Variants in PLAAT5 observed in about 807,000 individuals in gnomAD.
PLAAT5 encodes Ca(2+)-independent N-acyltransferase.
In PLAAT5, 27 loss-of-function variants were observed where a neutral mutation model predicts 27.8. The ratio of observed to expected loss-of-function variants is 0.97; its 90% CI spans 0.72 to 1.34. The LOEUF (loss-of-function observed/expected upper bound fraction) is 1.34, where lower values mean the gene tolerates loss of function less well. PLAAT5 is among the 40% of genes most tolerant of loss of function. PLAAT5 has a pLI of 0.00. For missense variants in PLAAT5, 368 were observed against 343.8 expected (o/e 1.07, Z -0.56); for synonymous variants, 125 against 136.1 (o/e 0.92, Z 0.57).
At chr11:63,469,042 C>T (rs2015942213) in intron 3 of PLAAT5, among the ~76,000 whole-genome samples, 1 of 151,506 alleles carries the variant, frequency 6.6e-6, no homozygotes, top group African/African-American at 2.4e-5. Flanking sequence ...ACACCCACAC[C>T]ACCAGTTGCT....
rs1219483123 is a variant in PLAAT5 at position 63,483,775 on chromosome 11, C to CA, written c.345+5095dup. 2.1e-3 allele frequency among the ~76,000 whole-genome samples: 57 copies of CA among 27,752 alleles called. 1 individual carries two copies. The highest frequency in any genetic ancestry group is 5.9e-3 in the East Asian group (6 of 1,012). 18.2% of individuals were successfully genotyped at this position (27,752 alleles called of 152,430 possible). On this transcript the variant is annotated intron_variant, in intron 3 of 5. Transcript: ENST00000540857. ...AGAGCAGAAGTAAATGAAATTGAAG[C>CA]AAAAAAAAAATATATATATATATAT...
At position 63,480,110 on chromosome 11, in the gene PLAAT5, C is replaced by T. The variant is rs370774961; in HGVS notation, c.345+8761G>A. ...CGGTCACGTCTGTTCTTTGTAGGAACATGCGGTCCGTTCTTCACCATCCCT... is the reference window on the plus strand; with the variant it reads ...CGGTCACGTCTGTTCTTTGTAGGAATATGCGGTCCGTTCTTCACCATCCCT... On this transcript the variant is annotated intron_variant, in intron 3 of 5. Coordinates refer to ENST00000540857, the MANE Select transcript of PLAAT5 (RefSeq NM_001146729.2). Among the ~76,000 whole-genome samples the T allele has an allele frequency of 1.4e-4, 21 of 152,348 alleles. No homozygotes were observed. The South Asian group carries it at 1.7e-3, about 12-fold the overall frequency.
rs1293611325 is a variant in PLAAT5 at position 63,462,678 on chromosome 11, T to C, written c.*825A>G. On this transcript the variant is annotated 3_prime_UTR_variant, in exon 6 of 6. Transcript: ENST00000540857. ...TATCACTACAATCCCCAGCCATAAT[T>C]TCAGATCTTCCATCCTGTCAACTTT... 1 of 152,190 alleles carries C rather than the reference T, an allele frequency of 6.6e-6. No homozygotes were observed. The highest frequency in any genetic ancestry group is 2.4e-5 in the African/African-American group (1 of 41,448). The allele number at this position is 152,190 out of a possible 1,614,324, so 9.4% of individuals were successfully genotyped here. A position where few individuals can be genotyped will look rare whatever the true frequency, so the allele number is the denominator to read the frequency against.
chr11:63,489,884 A>G (rs962865945), intron 2 of PLAAT5, among the ~76,000 whole-genome samples: 1 of 152,210 alleles, frequency 6.6e-6, no homozygotes, highest in Admixed American at 6.5e-5. Context: ...TAAAGCAGCA[A>G]TCATCATGTT....
chr11:63,489,021 A>T (rs1157337256), intron 2 of PLAAT5, 45 bp from the exon 3 acceptor site: 8 of 1,315,098 alleles, frequency 6.1e-6, no homozygotes, highest in Non-Finnish European at 7.6e-6. Flanking sequence ...TCACTATTTC[A>T]TAATTATTGG....
chr11:63,485,444 T>A (rs1249236640), intron 3 of PLAAT5, among the ~76,000 whole-genome samples: 1 of 152,100 alleles, frequency 6.6e-6, no homozygotes, highest in Non-Finnish European at 1.5e-5. Flanking sequence ...TGTAGACCAA[T>A]GTAACAGAAT....
rs556062167 is a variant in PLAAT5, at chr11:63,463,415, C to T, written c.*88G>A. ...TCCAGAAGTTCACAATTTTCTTAAT[C>T]GGAGCCATTGAGAGAAGGCAAGGGA... On this transcript the variant is annotated 3_prime_UTR_variant, in exon 6 of 6. Transcript: ENST00000540857. 13 of 957,662 alleles carry T rather than the reference C, an allele frequency of 1.4e-5. No individual in the cohort carries two copies. The highest frequency in any genetic ancestry group is 7.2e-5 in the East Asian group (3 of 41,696). 59.3% of individuals were successfully genotyped at this position (957,662 alleles called of 1,614,324 possible).
In PLAAT5 at chr11:63,474,294, C is replaced by G. The variant is rs561041544; in HGVS notation, c.346-5829G>C. Among the ~76,000 whole-genome samples the G allele has an allele frequency of 1.2e-4, 18 of 152,180 alleles. 1 individual carries two copies. In the South Asian group the frequency reaches 3.7e-3, roughly 32 times the overall value. On this transcript the variant is annotated intron_variant, in intron 3 of 5. Transcript: ENST00000540857. ...AGATTGGTAATTTTTCTTATTTAAACGCATGGTAGAATTCTTGAGCAAAGC... is the reference window on the plus strand; with the variant it reads ...AGATTGGTAATTTTTCTTATTTAAAGGCATGGTAGAATTCTTGAGCAAAGC...
intron 3 of PLAAT5, among the ~76,000 whole-genome samples, chr11:63,483,849 A>G (rs2016369999): frequency 7.7e-6 from 1 of 130,000 alleles, no homozygotes; most frequent in Non-Finnish European, 1.7e-5. Context: ...ATATACACAT[A>G]TATATATATG....
chr11:63,477,669 T>G (rs2016184513), intron 3 of PLAAT5, among the ~76,000 whole-genome samples: 1 of 152,046 alleles, frequency 6.6e-6, no homozygotes, highest in African/African-American at 2.4e-5. Flanking sequence ...GAGACAGGGT[T>G]TCACCATGTT....
intron 3 of PLAAT5, among the ~76,000 whole-genome samples, chr11:63,469,000 C>T (rs530274553): frequency 1.4e-4 from 22 of 152,138 alleles, no homozygotes; most frequent in Non-Finnish European, 2.4e-4. Context: ...ACGTGACCCA[C>T]CTGAAGCCCA....
In PLAAT5 at chr11:63,466,117, C is replaced by A. The variant is rs2015853868; in HGVS notation, c.710G>T (p.Ser237Ile). 1.2e-6 allele frequency: 2 copies of A among 1,613,654 alleles called. No homozygotes were observed. Among genetic ancestry groups the A allele is most frequent in the African/African-American group, 2.7e-5 (2 of 74,930 alleles). Residue 237 changes from serine to isoleucine, a missense_variant, in exon 5 of 6, where the codon AGC becomes ATC. Ser to Ile is a moderately radical substitution (Grantham distance 142). Transcript: ENST00000540857. ...GAGCAAATGGGGTCACACCTGCTGG[C>A]TCCGGGGTACGCCATATCTGAGGCC... ...VNGLRYGVPR[S>I]QQVEHALMEG...
intron 3 of PLAAT5, among the ~76,000 whole-genome samples, chr11:63,486,023 A>G (rs1340215005): frequency 6.6e-6 from 1 of 152,242 alleles, no homozygotes; most frequent in East Asian, 1.9e-4. Context: ...AACATATTAA[A>G]AAACTGCTCA....
intron 3 of PLAAT5, among the ~76,000 whole-genome samples, chr11:63,473,855 G>C (rs1425429502): frequency 1.3e-5 from 2 of 151,834 alleles, no homozygotes; most frequent in Admixed American, 6.6e-5. Context: ...TGGATTACAG[G>C]CATGCGTCAC....
chr11:63,468,880 G>C (rs565604607), intron 3 of PLAAT5, among the ~76,000 whole-genome samples: 1 of 152,256 alleles, frequency 6.6e-6, no homozygotes, highest in East Asian at 1.9e-4. Context: ...TGGGCAGGAT[G>C]ATGGTCAGTA....
Position 63,466,389 on chromosome 11 carries a change from A to C in PLAAT5, c.455-17T>G, listed in dbSNP as rs2015868066. ...ACTCCTCACCTGGAGACCAAAGACA[A>C]ACAAAGGTTGGGAAATACAAGGAGT... On this transcript the variant is annotated splice_polypyrimidine_tract_variant and intron_variant, in intron 4 of 5. Coordinates refer to ENST00000540857, the MANE Select transcript of PLAAT5 (RefSeq NM_001146729.2). 1 of 1,612,704 alleles carries C rather than the reference A, an allele frequency of 6.2e-7. No homozygotes were observed. Among genetic ancestry groups the C allele is most frequent in the Non-Finnish European group, 8.5e-7 (1 of 1,179,438 alleles).
chr11:63,468,802 CAGTA>C (rs2015934672), intron 3 of PLAAT5, among the ~76,000 whole-genome samples: 1 of 152,148 alleles, frequency 6.6e-6, no homozygotes, highest in Non-Finnish European at 1.5e-5. Context: ...TAAACCTTCT[CAGTA>C]AAGGGTGCTG....
chr11:63,469,040 AC>A (rs1283475835), intron 3 of PLAAT5, among the ~76,000 whole-genome samples: 1 of 151,680 alleles, frequency 6.6e-6, no homozygotes, highest in South Asian at 2.1e-4. Flanking sequence ...GCACACCCAC[AC>A]CACCAGTTGC....
chr11:63,466,353 G>A lies in PLAAT5; in HGVS notation c.474C>T (p.Gly158=), dbSNP rs1590604620. ...GATTGCTAAAGATGGAAGTAATGCT[G>A]CCCACCTCAAACTCCTCACCTGGAG... is the stretch of plus-strand genomic sequence containing the variant. ...LAPPSEEFEV[G]SITSIFSNRA... is the part of the protein sequence containing the mutation. The change falls in exon 5 of 6, where the codon GGC becomes GGT. Residue 158 remains glycine, a synonymous_variant. Transcript: ENST00000540857. 2.5e-6 allele frequency: 4 copies of A among 1,614,020 alleles called. No individual in the cohort carries two copies. Among genetic ancestry groups the A allele is most frequent in the Non-Finnish European group, 2.5e-6 (3 of 1,179,994 alleles).
Sources: allele counts gnomAD v4.1 joint callset (sites outside exome capture counted in the v4.1 genomes callset), GRCh38; gene constraint gnomAD v4.1.1; transcripts MANE v1.5; gene names NCBI Gene and HGNC (gene_info 2026-07-23, HGNC 2026-07-21).